XXYLT1: variants seen among roughly 807,000 people sequenced by gnomAD.
XXYLT1 encodes the protein UDP-xylose:alpha-xyloside alpha-1,3-xylosyltransferase.
In XXYLT1, 20 loss-of-function variants were observed where a neutral mutation model predicts 28.9. That is an observed-to-expected ratio of 0.69 (90% CI 0.49 to 1.00). The LOEUF is 1.00. Ranked by LOEUF, XXYLT1 falls within the 50% of genes least tolerant of loss-of-function variation. XXYLT1 has a pLI of 0.00. For missense variants in XXYLT1, 542 were observed against 560.1 expected, an observed-to-expected ratio of 0.97 and a Z score of 0.33; for synonymous variants, 257 against 253.8, an observed-to-expected ratio of 1.01 and a Z score of -0.12.
chr3:195,190,777 G>A (rs184500163), intron 2 of XXYLT1, among the ~76,000 whole-genome samples: 119 of 151,962 alleles, frequency 7.8e-4, no homozygotes, highest in Middle Eastern at 3.4e-3. Flanking sequence ...AAAGAATGGC[G>A]CTTTACGGGA....
At position 195,240,642 on chromosome 3, in the gene XXYLT1, G is replaced by A. The variant is rs899280591; in HGVS notation, c.505-13786C>T. On this transcript the variant is annotated intron_variant, in intron 1 of 3. Transcript: ENST00000310380. The surrounding 1 kb of genome is among the most constrained non-coding windows in gnomAD (Gnocchi z 4.7). ...TCTGGCCACAGACAGCAACGCCACA[G>A]GTCGGCCGGAGGCCAAGGGTTCACC... 1.3e-5 allele frequency among the ~76,000 whole-genome samples: 2 copies of A among 152,244 alleles called. No homozygotes were observed. The highest frequency in any genetic ancestry group is 6.5e-5 in the Admixed American group (1 of 15,280).
At chr3:195,236,409 G>A (rs112911300) in intron 1 of XXYLT1, among the ~76,000 whole-genome samples, 94 of 152,088 alleles carry the variant, frequency 6.2e-4, no homozygotes, top group African/African-American at 2.1e-3. Flanking sequence ...CTGCCAGAGC[G>A]CCACCAATGT....
intron 2 of XXYLT1, among the ~76,000 whole-genome samples, chr3:195,211,500 C>A (rs535302027): frequency 6.6e-6 from 1 of 152,338 alleles, no homozygotes; most frequent in South Asian, 2.1e-4. Context: ...TCATTTAATT[C>A]ATTTGATGAA....
At chr3:195,214,332 G>A (rs975399515) in intron 2 of XXYLT1, among the ~76,000 whole-genome samples, 19 of 152,066 alleles carry the variant, frequency 1.2e-4, no homozygotes, top group Admixed American at 8.5e-4. Context: ...GAATCAGGGA[G>A]GGAGGAGGCT....
In XXYLT1 at chr3:195,110,214, G is replaced by A. The variant is rs1397224155; in HGVS notation, c.786-40103C>T. Among the ~76,000 whole-genome samples, 88 of 11,704 alleles carry A rather than the reference G, an allele frequency of 7.5e-3. 21 individuals are homozygous for A. The highest frequency in any genetic ancestry group is 0.013 in the African/African-American group (73 of 5,528). 7.7% of individuals were successfully genotyped at this position (11,704 alleles called of 152,430 possible). A position where few individuals can be genotyped will look rare whatever the true frequency, so the allele number is the denominator to read the frequency against. On this transcript the variant is annotated intron_variant, in intron 3 of 3. Coordinates refer to ENST00000310380, the MANE Select transcript of XXYLT1 (RefSeq NM_152531.5). ...GGTGAGGTGTATGTGTGGTGTGTGC[G>A]TGTGTGGTGTATAAGTGTGTGGTGT...
At chr3:195,225,935 C>T (rs1724029553) in intron 2 of XXYLT1, among the ~76,000 whole-genome samples, 2 of 152,176 alleles carry the variant, frequency 1.3e-5, no homozygotes, top group South Asian at 4.1e-4. Flanking sequence ...GCCTCCCCAG[C>T]CATGCTGAAC....
Position 195,114,872 on chromosome 3 carries a change from G to A in XXYLT1, c.785+41577C>T, listed in dbSNP as rs565952944. Among the ~76,000 whole-genome samples, 5 of 152,356 alleles carry A rather than the reference G, an allele frequency of 3.3e-5. No individual in the cohort carries two copies. The South Asian group carries it at 6.2e-4, about 19-fold the overall frequency. On this transcript the variant is annotated intron_variant, in intron 3 of 3. Transcript: ENST00000310380. ...GAAGCCGCTCAGTGGTCTCCCTGCC[G>A]GTGCAAGGAGGCTGCCACCTGCAGA...
Position 195,133,876 on chromosome 3 carries a change from C to A in XXYLT1, c.785+22573G>T, listed in dbSNP as rs1158639374. On this transcript the variant is annotated intron_variant, in intron 3 of 3. Coordinates refer to ENST00000310380, the MANE Select transcript of XXYLT1 (RefSeq NM_152531.5). This position sits in a 1 kb window ranked among gnomAD's most constrained non-coding sequence, Gnocchi z 4.4. ...AAAGTTTTAAAAAATTAAAAACTTA[C>A]AAAATGGAAAAAAGCTTACAGAATA... is the stretch of plus-strand genomic sequence containing the variant. Among the ~76,000 whole-genome samples, 2 of 152,106 alleles carry A rather than the reference C, an allele frequency of 1.3e-5. No homozygotes were observed. Among genetic ancestry groups the A allele is most frequent in the Non-Finnish European group, 2.9e-5 (2 of 68,012 alleles).
chr3:195,239,496 T>C (rs980692894), intron 1 of XXYLT1, among the ~76,000 whole-genome samples: 2 of 152,202 alleles, frequency 1.3e-5, no homozygotes, highest in African/African-American at 4.8e-5. Context: ...ACTTCCATAC[T>C]GAAGGCAATT....
At position 195,109,770 on chromosome 3, in the gene XXYLT1, GGT is replaced by G. The variant is rs1476210830; in HGVS notation, c.786-39661_786-39660del. ...AGGTATGTATGTGAGTGTGGGGCTG[GGT>G]GTGTGTGTGGTGTATGTGTGGTGTG... On this transcript the variant is annotated intron_variant, in intron 3 of 3. Coordinates refer to ENST00000310380, the MANE Select transcript of XXYLT1 (RefSeq NM_152531.5). 2.0e-4 allele frequency among the ~76,000 whole-genome samples: 13 copies of G among 65,838 alleles called. 3 individuals carry two copies. Among genetic ancestry groups the G allele is most frequent in the Non-Finnish European group, 2.7e-4 (7 of 26,036 alleles). The allele number at this position is 65,838 out of a possible 152,430, so 43.2% of individuals were successfully genotyped here.
chr3:195,117,952 T>C lies in XXYLT1; in HGVS notation c.785+38497A>G, dbSNP rs144265602. ...TGCTCAGGGCAGCATGTTCTACTTTTTGAAAATGACTTTTTAGTGAGTTCT... is the reference window on the plus strand; with the variant it reads ...TGCTCAGGGCAGCATGTTCTACTTTCTGAAAATGACTTTTTAGTGAGTTCT... On this transcript the variant is annotated intron_variant, in intron 3 of 3. Transcript: ENST00000310380. Among the ~76,000 whole-genome samples, 37 of 152,338 alleles carry C rather than the reference T, an allele frequency of 2.4e-4. No individual in the cohort carries two copies. The East Asian group carries it at 7.1e-3, about 29-fold the overall frequency.
intron 3 of XXYLT1, among the ~76,000 whole-genome samples, chr3:195,104,366 A>G (rs777520819): frequency 3.9e-5 from 6 of 152,010 alleles, no homozygotes; most frequent in African/African-American, 1.2e-4. Flanking sequence ...CTGAGTCCCA[A>G]TCATTCCTCA....
intron 3 of XXYLT1, among the ~76,000 whole-genome samples, chr3:195,085,392 A>C (rs1368644379): frequency 2.0e-5 from 3 of 152,234 alleles, no homozygotes; most frequent in Admixed American, 1.3e-4. Flanking sequence ...AACTCACCCA[A>C]GGTGTCCAGG....
chr3:195,099,142 A>T (rs1279108722), intron 3 of XXYLT1, among the ~76,000 whole-genome samples: 1 of 152,208 alleles, frequency 6.6e-6, no homozygotes, highest in Non-Finnish European at 1.5e-5. Context: ...CCGCGTTCTC[A>T]AACAACCGCT....
At position 195,069,865 on chromosome 3, in the gene XXYLT1, G is replaced by T. The variant is rs1166968945; in HGVS notation, c.1032C>A (p.Leu344=). The T allele has an allele frequency of 1.9e-6, 3 of 1,614,180 alleles. No individual in the cohort carries two copies. The South Asian group carries it at 3.3e-5, about 18-fold the overall frequency. The change falls in exon 4 of 4, where the codon CTC becomes CTA. Residue 344 remains leucine (L), a synonymous_variant. Coordinates refer to ENST00000310380, the MANE Select transcript of XXYLT1 (RefSeq NM_152531.5). ...TCCAGGTACAGTCCAGCACATGGAA[G>T]AGCTTGGGGTGCTCCATGCCGATCA... ...FTMIGMEHPK[L]FHVLDCTWNR... is the part of the protein sequence containing the mutation.
intron 2 of XXYLT1, among the ~76,000 whole-genome samples, chr3:195,193,499 T>A (rs1435898121): frequency 1.3e-5 from 2 of 152,144 alleles, no homozygotes; most frequent in East Asian, 3.8e-4. Flanking sequence ...TAAATTACTA[T>A]CAAAATCCCA....
intron 1 of XXYLT1, among the ~76,000 whole-genome samples, chr3:195,238,214 TG>T (rs1427661055): frequency 6.6e-6 from 1 of 152,052 alleles, no homozygotes; most frequent in Non-Finnish European, 1.5e-5. Flanking sequence ...TGGCCACACC[TG>T]GATGACCTAC....
intron 3 of XXYLT1, among the ~76,000 whole-genome samples, chr3:195,070,617 T>C (rs1201319261): frequency 6.6e-6 from 1 of 152,124 alleles, no homozygotes; most frequent in Non-Finnish European, 1.5e-5. Context: ...CCTGTGATCT[T>C]GAAAAGGAGA....
chr3:195,252,725 C>CAGAGAGAGAGAG (rs1366490007), intron 1 of XXYLT1, among the ~76,000 whole-genome samples: 1 of 129,038 alleles, frequency 7.7e-6, no homozygotes, highest in African/African-American at 3.3e-5. Flanking sequence ...CACACACACA[C>CAGAGAGAGAGAG]ACAGAGAGAG....
Sources: gnomAD v4.1 joint callset for allele counts (sites outside exome capture counted in the v4.1 genomes callset) on GRCh38, gnomAD v4.1.1 for gene constraint, Gnocchi (gnomAD v3.1) non-coding constraint, MANE v1.5 for transcripts, NCBI Gene and HGNC (gene_info 2026-07-23, HGNC 2026-07-21) for gene names.